Variants in OSBPL1A observed in about 807,000 individuals in gnomAD.
OSBPL1A encodes oxysterol-binding protein-related protein 1.
A neutral mutation model predicts 137.1 loss-of-function variants in OSBPL1A; 80 were observed. That is an observed-to-expected ratio of 0.58 (90% CI 0.49 to 0.70). The LOEUF is 0.70. Among genes scored for constraint, OSBPL1A ranks in the 30% least tolerant of loss-of-function variants. The pLI, the probability that OSBPL1A is intolerant of heterozygous loss-of-function variation, is 0.00. For missense variants in OSBPL1A, 970 were observed against 1,129.4 expected (o/e 0.86, Z 2.02); for synonymous variants, 365 against 389.7 (o/e 0.94, Z 0.75).
rs78821824 is a variant in OSBPL1A, at chr18:24,282,549, A to T, written c.1175-1601T>A. ...ATCTTAACCCATTTACTCATTAAAA[A>T]TAAAAAACAAAAACAAAAACAAAAT... On this transcript the variant is annotated intron_variant, in intron 14 of 27. Coordinates refer to ENST00000319481, the MANE Select transcript of OSBPL1A (RefSeq NM_080597.4). Among the ~76,000 whole-genome samples the T allele has an allele frequency of 1.3e-3, 199 of 152,330 alleles. 3 individuals are homozygous for T. The East Asian group carries it at 0.033, about 26-fold the overall frequency.
chr18:24,365,306 C>A (rs546286183), intron 4 of OSBPL1A, among the ~76,000 whole-genome samples: 13 of 152,158 alleles, frequency 8.5e-5, no homozygotes, highest in Non-Finnish European at 1.2e-4. Context: ...ATGTTTAGGC[C>A]GAGTGCGGTG....
intron 15 of OSBPL1A, among the ~76,000 whole-genome samples, chr18:24,251,230 G>C (rs1173718540): frequency 6.6e-6 from 1 of 152,188 alleles, no homozygotes; most frequent in Non-Finnish European, 1.5e-5. Context: ...TTGCCACCTG[G>C]TGACTACGTA....
chr18:24,193,488 A>C (rs943237816), intron 18 of OSBPL1A, among the ~76,000 whole-genome samples: 1 of 116,132 alleles, frequency 8.6e-6, no homozygotes, highest in African/African-American at 4.3e-5. Context: ...ACTCCGACTC[A>C]AAAAAAAAAA....
chr18:24,353,577 C>G (rs1016760235), intron 4 of OSBPL1A, among the ~76,000 whole-genome samples: 3 of 151,496 alleles, frequency 2.0e-5, no homozygotes, highest in Non-Finnish European at 4.4e-5. Flanking sequence ...GGTATATACC[C>G]AAAGGATTAT....
At chr18:24,167,676 A>T (rs1599421808) in intron 24 of OSBPL1A, among the ~76,000 whole-genome samples, 1 of 152,338 alleles carries the variant, frequency 6.6e-6, no homozygotes, top group East Asian at 1.9e-4. Flanking sequence ...TTGGCTTTCC[A>T]CATGAAAAAA....
intron 18 of OSBPL1A, among the ~76,000 whole-genome samples, chr18:24,192,074 C>T (rs1391959967): frequency 1.3e-5 from 2 of 152,206 alleles, no homozygotes; most frequent in Non-Finnish European, 1.5e-5. Flanking sequence ...ACCTTTGTCA[C>T]CTCTTGCAAT....
chr18:24,260,658 G>A (rs1048500055), intron 15 of OSBPL1A, among the ~76,000 whole-genome samples: 4 of 152,266 alleles, frequency 2.6e-5, no homozygotes, highest in South Asian at 4.1e-4. Flanking sequence ...GTACCAGAGA[G>A]ACAGGGAGTA....
chr18:24,341,020 G>T (rs1474901901), intron 5 of OSBPL1A, among the ~76,000 whole-genome samples: 1 of 152,050 alleles, frequency 6.6e-6, no homozygotes, highest in Non-Finnish European at 1.5e-5. Context: ...TTCGGCTGGG[G>T]GGTCTCACTC....
At chr18:24,199,409 C>T (rs1276463527) in intron 17 of OSBPL1A, among the ~76,000 whole-genome samples, 3 of 151,890 alleles carry the variant, frequency 2.0e-5, no homozygotes, top group East Asian at 1.9e-4. Context: ...CTGCTATGCA[C>T]TTCAGCCTGC....
intron 15 of OSBPL1A, 32 bp downstream of exon 15, chr18:24,280,810 T>C: frequency 6.8e-7 from 1 of 1,461,836 alleles, no homozygotes; most frequent in Non-Finnish European, 9.2e-7. Flanking sequence ...ATCCAAACAA[T>C]TATTTTACAA....
chr18:24,168,091 CATTT>C (rs1225527839), intron 24 of OSBPL1A, among the ~76,000 whole-genome samples: 3 of 152,158 alleles, frequency 2.0e-5, no homozygotes, highest in Middle Eastern at 3.4e-3. Flanking sequence ...CAAAATAATT[CATTT>C]GAGTATTTAT....
intron 15 of OSBPL1A, among the ~76,000 whole-genome samples, chr18:24,256,884 T>C (rs2089289877): frequency 7.3e-6 from 1 of 137,494 alleles, no homozygotes; most frequent in South Asian, 2.2e-4. Flanking sequence ...ATTAAATACC[T>C]AGGAATTAAG....
At chr18:24,354,101 T>C (rs1230792314) in intron 4 of OSBPL1A, among the ~76,000 whole-genome samples, 2 of 151,404 alleles carry the variant, frequency 1.3e-5, no homozygotes, top group African/African-American at 4.9e-5. Context: ...AAACAACAAT[T>C]AGTGACAACT....
chr18:24,372,813 C>A lies in OSBPL1A; in HGVS notation c.122-4441G>T, dbSNP rs572324858. On this transcript the variant is annotated intron_variant, in intron 2 of 27. Transcript: ENST00000319481. ...GCACTGCAGCTCACACCTGTAATCCCAGCACCTTGGGAGGCCAAAGTGGGC... is the reference window on the plus strand; with the variant it reads ...GCACTGCAGCTCACACCTGTAATCCAAGCACCTTGGGAGGCCAAAGTGGGC... 5.0e-3 allele frequency among the ~76,000 whole-genome samples: 756 copies of A among 152,226 alleles called. 6 individuals are homozygous for A. Among genetic ancestry groups the A allele is most frequent in the African/African-American group, 0.018 (740 of 41,540 alleles).
intron 1 of OSBPL1A, among the ~76,000 whole-genome samples, chr18:24,387,777 A>G (rs1044232563): frequency 6.6e-6 from 1 of 151,746 alleles, no homozygotes; most frequent in Non-Finnish European, 1.5e-5. Flanking sequence ...ACTGCTGTCT[A>G]TGTAGACTTG....
At chr18:24,230,147 T>G (rs541390438) in intron 16 of OSBPL1A, among the ~76,000 whole-genome samples, 1 of 152,202 alleles carries the variant, frequency 6.6e-6, no homozygotes, top group East Asian at 1.9e-4. Flanking sequence ...GTAGAAAGCA[T>G]GAAGGGAAGA....
chr18:24,359,121 G>C (rs1362120736), intron 4 of OSBPL1A, among the ~76,000 whole-genome samples: 1 of 152,010 alleles, frequency 6.6e-6, no homozygotes, highest in East Asian at 1.9e-4. Flanking sequence ...GGGAGGCTAG[G>C]GTGGGAGGAT....
chr18:24,390,981 T>C (rs140396562), intron 1 of OSBPL1A, among the ~76,000 whole-genome samples: 1,835 of 152,108 alleles, frequency 0.012, 46 homozygotes, highest in African/African-American at 0.042. Flanking sequence ...GTGCCTGTAG[T>C]CCCAGCTACT....
intron 11 of OSBPL1A, among the ~76,000 whole-genome samples, chr18:24,315,153 G>A (rs765821592): frequency 6.6e-5 from 10 of 152,204 alleles, no homozygotes; most frequent in Non-Finnish European, 1.5e-4. Flanking sequence ...AGCTGTGGAA[G>A]TAAGTTCCCA....
Sources: gnomAD v4.1 joint callset for allele counts (sites outside exome capture counted in the v4.1 genomes callset) on GRCh38, gnomAD v4.1.1 for gene constraint, MANE v1.5 for transcripts, NCBI Gene and HGNC (gene_info 2026-07-23, HGNC 2026-07-21) for gene names.